The following CDH12 variants were observed in gnomAD, a reference collection of about 807,000 sequenced individuals.
CDH12 encodes the protein cadherin 12.
Under a neutral mutation model 74.1 loss-of-function variants are expected in CDH12, and 41 were observed. The observed-to-expected ratio is 0.55, with a 90% CI of 0.43 to 0.72. The LOEUF is 0.72. Among genes scored for constraint, CDH12 ranks in the 30% least tolerant of loss-of-function variants. The pLI, the probability that CDH12 is intolerant of heterozygous loss-of-function variation, is 0.00. For synonymous variants in CDH12, 399 were observed against 355.0 expected (o/e 1.12, Z -1.39); for missense variants, 945 against 977.2 (o/e 0.97, Z 0.44).
intron 4 of CDH12, among the ~76,000 whole-genome samples, chr5:22,186,256 G>A (rs1749940041): frequency 6.6e-6 from 1 of 152,122 alleles, no homozygotes; most frequent in African/African-American, 2.4e-5. Context: ...AATAACTATT[G>A]TCATTCAGTA....
intron 2 of CDH12, among the ~76,000 whole-genome samples, chr5:22,482,057 G>A (rs536579267): frequency 6.6e-6 from 1 of 152,228 alleles, no homozygotes; most frequent in East Asian, 1.9e-4. Flanking sequence ...AATCAATGAA[G>A]TCCATGTAAA....
At chr5:22,753,674 A>G (rs1745725198) in intron 1 of CDH12, among the ~76,000 whole-genome samples, 1 of 151,588 alleles carries the variant, frequency 6.6e-6, no homozygotes, top group Non-Finnish European at 1.5e-5. Context: ...GATTTCAAAA[A>G]GACAGAATGA....
intron 3 of CDH12, among the ~76,000 whole-genome samples, chr5:22,344,009 T>C (rs561643415): frequency 8.5e-5 from 13 of 152,330 alleles, no homozygotes; most frequent in African/African-American, 3.1e-4. Flanking sequence ...TACTTTGGCA[T>C]AGGCAACTAT....
Position 22,277,533 on chromosome 5 carries a change from G to A in CDH12, c.-332-64890C>T, listed in dbSNP as rs146383261. 4.4e-3 allele frequency among the ~76,000 whole-genome samples: 667 copies of A among 151,938 alleles called. 6 individuals are homozygous for A. Among genetic ancestry groups the A allele is most frequent in the African/African-American group, 0.015 (624 of 41,412 alleles). ...GCTTTTTGTGACAGACGTATGTTCT[G>A]ATTAAAAAAAAACAACAGGCCAGGC... is the stretch of plus-strand genomic sequence containing the variant. On this transcript the variant is annotated intron_variant, in intron 3 of 14. Transcript: ENST00000382254.
intron 1 of CDH12, among the ~76,000 whole-genome samples, chr5:22,666,313 G>C (rs1327594857): frequency 1.6e-5 from 2 of 126,172 alleles, no homozygotes; most frequent in South Asian, 5.5e-4. Context: ...TTTTTGAGAC[G>C]GAGTCTGTCT....
intron 6 of CDH12, among the ~76,000 whole-genome samples, chr5:21,938,914 A>G (rs190288735): frequency 2.3e-3 from 353 of 150,756 alleles, no homozygotes; most frequent in African/African-American, 8.0e-3. Context: ...CATGGACACT[A>G]TAACTATTAT....
chr5:22,589,529 T>A (rs1740578518), intron 1 of CDH12, among the ~76,000 whole-genome samples: 1 of 152,220 alleles, frequency 6.6e-6, no homozygotes, highest in Admixed American at 6.5e-5. Flanking sequence ...ACTTGTTACG[T>A]TGAGGTAATC....
chr5:22,049,742 G>C (rs183863415), intron 5 of CDH12, among the ~76,000 whole-genome samples: 2 of 152,148 alleles, frequency 1.3e-5, no homozygotes, highest in East Asian at 3.9e-4. Context: ...TGTTGTTGTA[G>C]GATATCATGG....
intron 1 of CDH12, among the ~76,000 whole-genome samples, chr5:22,649,066 C>T (rs1739588714): frequency 6.6e-6 from 1 of 151,782 alleles, no homozygotes; most frequent in African/African-American, 2.4e-5. Context: ...TAAAATCAAG[C>T]TGGTTAATGA....
At chr5:21,813,634 C>G (rs2149940493) in intron 9 of CDH12, among the ~76,000 whole-genome samples, 1 of 152,234 alleles carries the variant, frequency 6.6e-6, no homozygotes, top group East Asian at 1.9e-4. Context: ...TGGCCAAGGC[C>G]CTCTTCCTTC....
chr5:22,498,889 C>CT (rs1286710830), intron 2 of CDH12, among the ~76,000 whole-genome samples: 3 of 133,944 alleles, frequency 2.2e-5, no homozygotes, highest in African/African-American at 8.2e-5. Context: ...TCTTCTTTTT[C>CT]TTTTTCTGTT....
intron 4 of CDH12, among the ~76,000 whole-genome samples, chr5:22,193,516 T>A (rs1443194061): frequency 6.6e-6 from 1 of 152,252 alleles, no homozygotes; most frequent in African/African-American, 2.4e-5. Flanking sequence ...AGGTTTTCAC[T>A]TTGTGCTGAA....
intron 1 of CDH12, among the ~76,000 whole-genome samples, chr5:22,806,654 T>C (rs1748831426): frequency 6.6e-6 from 1 of 152,150 alleles, no homozygotes; most frequent in Non-Finnish European, 1.5e-5. Flanking sequence ...GCGCCCGGCC[T>C]AATGATTGCC....
At chr5:21,883,616 A>G (rs1752476358) in intron 6 of CDH12, 1 of 1,609,344 alleles carries the variant, frequency 6.2e-7, no homozygotes, top group South Asian at 1.1e-5. Context: ...CTCATGACTT[A>G]GGAAAAGTTG....
At chr5:22,817,864 T>A (rs1349248644) in intron 1 of CDH12, among the ~76,000 whole-genome samples, 1 of 152,158 alleles carries the variant, frequency 6.6e-6, no homozygotes, top group Non-Finnish European at 1.5e-5. Flanking sequence ...AAGTATAAAT[T>A]TGGTATTCTC....
At chr5:21,788,396 C>T (rs1265348140) in intron 10 of CDH12, among the ~76,000 whole-genome samples, 1 of 151,836 alleles carries the variant, frequency 6.6e-6, no homozygotes, top group Non-Finnish European at 1.5e-5. Context: ...GTGTAGGGAG[C>T]TATCAGTTGT....
intron 3 of CDH12, among the ~76,000 whole-genome samples, chr5:22,349,660 A>G (rs1467713699): frequency 6.6e-6 from 1 of 152,076 alleles, no homozygotes; most frequent in African/African-American, 2.4e-5. Flanking sequence ...CTCACCCCCA[A>G]ATATGTTTCT....
chr5:21,960,211 T>C (rs1453808174), intron 6 of CDH12, among the ~76,000 whole-genome samples: 2 of 152,136 alleles, frequency 1.3e-5, no homozygotes, highest in Non-Finnish European at 2.9e-5. Flanking sequence ...TACAGAACTC[T>C]CCATCCAAAA....
chr5:22,831,561 A>G (rs1461254121), intron 1 of CDH12, among the ~76,000 whole-genome samples: 2 of 152,112 alleles, frequency 1.3e-5, no homozygotes, highest in Admixed American at 1.3e-4. Context: ...TTATAAAAAC[A>G]AAAACCAGGA....
Sources: allele counts gnomAD v4.1 joint callset (sites outside exome capture counted in the v4.1 genomes callset), GRCh38; gene constraint gnomAD v4.1.1; transcripts MANE v1.5; gene names NCBI Gene and HGNC (gene_info 2026-07-23, HGNC 2026-07-21).